KCNH1: variants seen among roughly 807,000 people sequenced by gnomAD.
KCNH1 encodes voltage-gated delayed rectifier potassium channel KCNH1.
KCNH1 carries 27 observed loss-of-function variants against 69.2 expected under a neutral mutation model. The ratio of observed to expected loss-of-function variants is 0.39; its 90% CI spans 0.29 to 0.54. The LOEUF (loss-of-function observed/expected upper bound fraction) is 0.54. Among genes scored for constraint, KCNH1 ranks in the 20% least tolerant of loss-of-function variants. The pLI is 0.68. For missense variants in KCNH1, 798 were observed against 1,261.6 expected (o/e 0.63, Z 5.57); for synonymous variants, 456 against 487.7 (o/e 0.93, Z 0.86).
chr1:210,731,158 A>T (rs1340540625), intron 10 of KCNH1, among the ~76,000 whole-genome samples: 1 of 152,232 alleles, frequency 6.6e-6, no homozygotes, highest in African/African-American at 2.4e-5. Context: ...AGCAGAAATG[A>T]TGCTGAAATA....
intron 7 of KCNH1, chr1:210,859,760 C>T (rs1275746253): frequency 9.6e-7 from 1 of 1,038,436 alleles, no homozygotes; most frequent in African/African-American, 1.6e-5. Context: ...TCAATAAGAG[C>T]ACAGAGACTG....
At chr1:210,692,404 A>C (rs1413492610) in intron 10 of KCNH1, among the ~76,000 whole-genome samples, 2 of 152,106 alleles carry the variant, frequency 1.3e-5, no homozygotes, top group African/African-American at 4.8e-5. Context: ...TACTCAGGGA[A>C]GAGATGGCGC....
intron 5 of KCNH1, among the ~76,000 whole-genome samples, chr1:211,081,924 G>T (rs141533914): frequency 6.6e-6 from 1 of 152,106 alleles, no homozygotes; most frequent in African/African-American, 2.4e-5. Flanking sequence ...TATGTAATAA[G>T]CCTGCACTTT....
chr1:211,032,126 CAG>C (rs1689797000), intron 5 of KCNH1, among the ~76,000 whole-genome samples: 1 of 152,038 alleles, frequency 6.6e-6, no homozygotes, highest in Non-Finnish European at 1.5e-5. Context: ...AACAGACAAA[CAG>C]AGAGCCAAAT....
rs772703474 is a variant in KCNH1 at position 210,683,234 on chromosome 1, G to A, written c.*47C>T. On this transcript the variant is annotated 3_prime_UTR_variant, in exon 11 of 11. Coordinates refer to ENST00000271751, the MANE Select transcript of KCNH1 (RefSeq NM_172362.3). This position sits in a 1 kb window ranked among gnomAD's most constrained non-coding sequence, Gnocchi z 5.7. ...ATATGTGGTAGGGGTGGTGGTGACG[G>A]CAGGGTTGGAGGTATCTGTCTCTGA... is the stretch of plus-strand genomic sequence containing the variant. The A allele has an allele frequency of 6.4e-6, 10 of 1,561,330 alleles. No individual in the cohort carries two copies. The highest frequency in any genetic ancestry group is 1.8e-5 in the Admixed American group (1 of 55,992).
chr1:211,127,425 CAAAAAAA>C, intron 1 of KCNH1, among the ~76,000 whole-genome samples: 1 of 127,648 alleles, frequency 7.8e-6, no homozygotes, highest in Non-Finnish European at 1.7e-5. Flanking sequence ...ACACACACAC[CAAAAAAA>C]AAAAAAAAAA....
intron 6 of KCNH1, among the ~76,000 whole-genome samples, chr1:210,935,167 A>T (rs1687755457): frequency 7.4e-6 from 1 of 135,504 alleles, no homozygotes; most frequent in African/African-American, 2.7e-5. Flanking sequence ...CACACACACG[A>T]ATAGTATTCA....
chr1:210,689,356 A>G (rs992664949), intron 10 of KCNH1, among the ~76,000 whole-genome samples: 1 of 152,088 alleles, frequency 6.6e-6, no homozygotes, highest in Non-Finnish European at 1.5e-5. Context: ...GGTCCTAGCT[A>G]GAGTTTGAGG....
chr1:210,738,774 C>G (rs1460175616), intron 10 of KCNH1, among the ~76,000 whole-genome samples: 1 of 151,848 alleles, frequency 6.6e-6, no homozygotes, highest in East Asian at 1.9e-4. Context: ...CTATGTTTCC[C>G]AGGCTGATCT....
intron 10 of KCNH1, among the ~76,000 whole-genome samples, chr1:210,756,903 A>G (rs1462656502): frequency 1.2e-4 from 19 of 152,136 alleles, no homozygotes; most frequent in Admixed American, 1.2e-3. Flanking sequence ...TTTGGGGGAG[A>G]GGGAAGCTGG....
At chr1:210,892,658 A>C (rs1220622660) in intron 7 of KCNH1, among the ~76,000 whole-genome samples, 2 of 152,206 alleles carry the variant, frequency 1.3e-5, no homozygotes, top group Non-Finnish European at 2.9e-5. Context: ...GGACCCAAAA[A>C]TGGCAAAAAT....
chr1:210,992,827 C>T (rs1259837456), intron 6 of KCNH1, among the ~76,000 whole-genome samples: 1 of 152,170 alleles, frequency 6.6e-6, no homozygotes, highest in African/African-American at 2.4e-5. Context: ...TATGCTTTCC[C>T]TTAATGAGAC....
chr1:210,886,401 T>A (rs1007541192), intron 7 of KCNH1, among the ~76,000 whole-genome samples: 5 of 151,906 alleles, frequency 3.3e-5, no homozygotes, highest in Admixed American at 6.6e-5. Context: ...GTCACCAACA[T>A]CAAAGACCAA....
In KCNH1 at chr1:210,861,528, C is replaced by A. The variant is rs1028218771; in HGVS notation, c.1463-57362G>T. On this transcript the variant is annotated intron_variant, in intron 7 of 10. Coordinates refer to ENST00000271751, the MANE Select transcript of KCNH1 (RefSeq NM_172362.3). ...TTCCATTATGATAACTCAGGTCGGT[C>A]ATCTTCTTCAATTCGAAGTGTTTCA... The A allele has an allele frequency of 9.1e-6, 7 of 772,614 alleles. No individual in the cohort carries two copies. The African/African-American group carries it at 1.0e-4, about 11-fold the overall frequency. 47.9% of individuals were successfully genotyped at this position (772,614 alleles called of 1,614,324 possible).
At chr1:210,858,498 C>A (rs1345113598) in intron 7 of KCNH1, 1 of 152,166 alleles carries the variant, frequency 6.6e-6, no homozygotes, top group Non-Finnish European at 1.5e-5. Context: ...TTATAAACAG[C>A]AAACATTTTG....
chr1:210,981,832 G>C (rs564010847), intron 6 of KCNH1, among the ~76,000 whole-genome samples: 1 of 152,172 alleles, frequency 6.6e-6, no homozygotes, highest in South Asian at 2.1e-4. Flanking sequence ...TTTAGAAACA[G>C]AATAAAGAGC....
intron 6 of KCNH1, among the ~76,000 whole-genome samples, chr1:210,966,696 C>G (rs1354719772): frequency 1.3e-5 from 2 of 152,158 alleles, no homozygotes; most frequent in East Asian, 3.9e-4. Context: ...GAATGGCAAT[C>G]ATTAAAAAGA....
chr1:211,031,401 G>A (rs61848566), intron 5 of KCNH1, among the ~76,000 whole-genome samples: 5 of 152,146 alleles, frequency 3.3e-5, no homozygotes, highest in Non-Finnish European at 7.4e-5. Flanking sequence ...TATGAGGCCA[G>A]GATCATCCTG....
chr1:210,683,793 C>T lies in KCNH1; in HGVS notation c.2458G>A (p.Glu820Lys), dbSNP rs763170570. 2.0e-5 allele frequency: 32 copies of T among 1,613,738 alleles called. No individual in the cohort carries two copies. The highest frequency in any genetic ancestry group is 4.4e-5 in the South Asian group (4 of 91,078). Residue 820 changes from glutamate to lysine, a missense_variant, in exon 11 of 11, where the codon GAG becomes AAG. By Grantham distance (56) the Glu-to-Lys change is moderately conservative. Coordinates refer to ENST00000271751, the MANE Select transcript of KCNH1 (RefSeq NM_172362.3). This position sits in a 1 kb window ranked among gnomAD's most constrained non-coding sequence, Gnocchi z 5.7. ...CCGCCCCCCTTGGGGCCCAGGCACT[C>T]GGACCCTGGCGCCTGTAGCTTTGCG... is the stretch of plus-strand genomic sequence containing the variant. The part of the protein sequence containing the change: ...DHAKLQAPGS[E>K]CLGPKGGGGD...
Sources: gnomAD v4.1 joint callset for allele counts (sites outside exome capture counted in the v4.1 genomes callset) on GRCh38, gnomAD v4.1.1 for gene constraint, Gnocchi (gnomAD v3.1) non-coding constraint, MANE v1.5 for transcripts, NCBI Gene and HGNC (gene_info 2026-07-23, HGNC 2026-07-21) for gene names.